FAM20A: variants seen among roughly 807,000 people sequenced by gnomAD.
The protein encoded by FAM20A is FAM20A golgi associated secretory pathway pseudokinase.
A neutral mutation model predicts 52.0 loss-of-function variants in FAM20A; 42 were observed. That is an observed-to-expected ratio of 0.81 (90% CI 0.63 to 1.04). The LOEUF is 1.04. Ranked by LOEUF, FAM20A falls within the 50% of genes least tolerant of loss-of-function variation. The pLI is 0.00. For missense variants in FAM20A, 742 were observed against 712.7 expected (o/e 1.04, Z -0.47); for synonymous variants, 304 against 298.9 (o/e 1.02, Z -0.18).
At chr17:68,549,977 G>A (rs558015053) in intron 4 of FAM20A, among the ~76,000 whole-genome samples, 1 of 152,298 alleles carries the variant, frequency 6.6e-6, no homozygotes. Flanking sequence ...GGCATAGTTA[G>A]CCAACCACTT....
At chr17:68,573,465 TTCTTTCTTTC>T (rs2087627812) in intron 1 of FAM20A, among the ~76,000 whole-genome samples, 1 of 145,476 alleles carries the variant, frequency 6.9e-6, no homozygotes, top group Non-Finnish European at 1.5e-5. Context: ...TCTTCTTTCT[TTCTTTCTTTC>T]TCTTTCTTTC....
chr17:68,568,872 T>C (rs1022327841), intron 1 of FAM20A, among the ~76,000 whole-genome samples: 1 of 151,828 alleles, frequency 6.6e-6, no homozygotes, highest in African/African-American at 2.4e-5. Context: ...CATTCAAAGG[T>C]TCCAGGGATT....
At position 68,542,810 on chromosome 17, in the gene FAM20A, C is replaced by G; in HGVS notation, c.813-1G>C. ...CGGCACCCGTCGGAAGTCCAGAATC[C>G]TGCAAGAGAGGAAGCTCTGTTCCAT... On this transcript the variant is annotated splice_acceptor_variant, in intron 5 of 10. Coordinates refer to ENST00000592554, the MANE Select transcript of FAM20A (RefSeq NM_017565.4). LOFTEE classifies it high-confidence loss of function. 7 of 1,610,370 alleles carry G rather than the reference C, an allele frequency of 4.3e-6. No homozygotes were observed. Among genetic ancestry groups the G allele is most frequent in the Non-Finnish European group, 5.1e-6 (6 of 1,176,640 alleles).
At chr17:68,542,497 A>G (rs1203259806) in intron 6 of FAM20A, among the ~76,000 whole-genome samples, 197 bp downstream of exon 6, 5 of 152,054 alleles carry the variant, frequency 3.3e-5, no homozygotes, top group Non-Finnish European at 7.4e-5. Flanking sequence ...TAGCATCTCA[A>G]ACACAACCTT....
At chr17:68,581,436 TTTTC>T (rs1321339209) in intron 1 of FAM20A, among the ~76,000 whole-genome samples, 2 of 98,738 alleles carry the variant, frequency 2.0e-5, no homozygotes, top group South Asian at 3.6e-4. Flanking sequence ...TCTTTCTTTC[TTTTC>T]TTTTTTTCTT....
intron 1 of FAM20A, among the ~76,000 whole-genome samples, chr17:68,580,288 C>G (rs1386821869): frequency 6.6e-6 from 1 of 152,202 alleles, no homozygotes; most frequent in Admixed American, 6.5e-5. Context: ...GACACAGAAC[C>G]TGATTAACTG....
intron 1 of FAM20A, among the ~76,000 whole-genome samples, chr17:68,563,664 A>G (rs1280781660): frequency 1.3e-5 from 2 of 152,078 alleles, no homozygotes; most frequent in South Asian, 2.1e-4. Flanking sequence ...AATAACCTTC[A>G]TCATCACGCA....
At chr17:68,579,220 T>G (rs562973496) in intron 1 of FAM20A, among the ~76,000 whole-genome samples, 2 of 152,088 alleles carry the variant, frequency 1.3e-5, no homozygotes, top group Non-Finnish European at 2.9e-5. Flanking sequence ...GTTAGGTGTG[T>G]GCAGAGAAAG....
At chr17:68,548,723 A>ATT (rs200833117) in intron 4 of FAM20A, among the ~76,000 whole-genome samples, 8,445 of 116,850 alleles carry the variant, frequency 0.072, 591 homozygotes, top group Non-Finnish European at 0.11. Flanking sequence ...CTATGCCTGT[A>ATT]TATTTTTTTT....
At chr17:68,585,823 G>C (rs2088151576) in intron 1 of FAM20A, among the ~76,000 whole-genome samples, 1 of 152,240 alleles carries the variant, frequency 6.6e-6, no homozygotes, top group Non-Finnish European at 1.5e-5. Flanking sequence ...TGCTAGCAGA[G>C]AGACTCACTG....
At chr17:68,554,100 ATATATACACATATATG>A (rs2086984617) in intron 3 of FAM20A, among the ~76,000 whole-genome samples, 2 of 145,782 alleles carry the variant, frequency 1.4e-5, no homozygotes, top group Non-Finnish European at 3.0e-5. Flanking sequence ...ATACACACAT[ATATATACACATATATG>A]TATACACACA....
chr17:68,597,867 C>G (rs1319102889), intron 1 of FAM20A, among the ~76,000 whole-genome samples: 1 of 152,042 alleles, frequency 6.6e-6, no homozygotes, highest in African/African-American at 2.4e-5. Flanking sequence ...AATGGCAGGC[C>G]CCCTGTCTTC....
intron 1 of FAM20A, among the ~76,000 whole-genome samples, chr17:68,579,317 C>G (rs147950714): frequency 6.6e-6 from 1 of 152,010 alleles, no homozygotes; most frequent in Non-Finnish European, 1.5e-5. Context: ...CCCACCTGCA[C>G]GAGACCAGGT....
rs139935965 is a variant in FAM20A, at chr17:68,540,410, G to A, written c.1219+439C>T. 255 of 455,822 alleles carry A rather than the reference G, an allele frequency of 5.6e-4. 3 individuals are homozygous for A. The highest frequency in any genetic ancestry group is 4.9e-3 in the Middle Eastern group (12 of 2,472). 28.2% of individuals were successfully genotyped at this position (455,822 alleles called of 1,614,324 possible). On this transcript the variant is annotated intron_variant, in intron 8 of 10. Transcript: ENST00000592554. ...TTGCTTCCGACCTAAGCTCCTGTAT[G>A]ACGGCCACCTTCATAAGTGTCTCGT...
chr17:68,550,333 G>A (rs1232592424), intron 4 of FAM20A, among the ~76,000 whole-genome samples: 1 of 141,932 alleles, frequency 7.0e-6, no homozygotes, highest in Non-Finnish European at 1.5e-5. Context: ...CTAACAACTA[G>A]GATTTTGGAT....
At position 68,555,244 on chromosome 17, in the gene FAM20A, G is replaced by A. The variant is rs1027294499; in HGVS notation, c.589+315C>T. ...TCTCAGTTTCCCTGTCTGTAAAATG[G>A]CAATGGTAATATCCATGCCATAAGG... On this transcript the variant is annotated intron_variant, in intron 2 of 10. Coordinates refer to ENST00000592554, the MANE Select transcript of FAM20A (RefSeq NM_017565.4). 5.3e-5 allele frequency among the ~76,000 whole-genome samples: 8 copies of A among 152,278 alleles called. No homozygotes were observed. In the South Asian group the frequency reaches 8.3e-4, roughly 16 times the overall value.
intron 1 of FAM20A, among the ~76,000 whole-genome samples, chr17:68,591,356 C>T (rs988918989): frequency 6.6e-5 from 10 of 152,188 alleles, no homozygotes; most frequent in Admixed American, 6.5e-4. Flanking sequence ...GCCTCGGCCT[C>T]CCAAAGTGTT....
chr17:68,538,911 C>T lies in FAM20A; in HGVS notation c.1361+426G>A, dbSNP rs143194241. The stretch of plus-strand genomic sequence containing the variant: ...AATCGCTTAGTGATGGGGATATGTT[C>T]TGAGAAATGTATCCTTAAGCGCAGG... On this transcript the variant is annotated intron_variant, in intron 10 of 10. Transcript: ENST00000592554. Among the ~76,000 whole-genome samples, 1,143 of 152,172 alleles carry T rather than the reference C, an allele frequency of 7.5e-3. 12 individuals are homozygous for T. The highest frequency in any genetic ancestry group is 0.026 in the African/African-American group (1,083 of 41,508).
Position 68,600,085 on chromosome 17 carries a change from G to A in FAM20A, c.404+178C>T, listed in dbSNP as rs2088569378. On this transcript the variant is annotated intron_variant, in intron 1 of 10. Transcript: ENST00000592554. This position sits in a 1 kb window ranked among gnomAD's most constrained non-coding sequence, Gnocchi z 6.2. ...TCTGACTCCGGGACTGGACTGTGAGGTCTGCAACAGCTGGTGGGGTTCGGG... is the reference window on the plus strand; with the variant it reads ...TCTGACTCCGGGACTGGACTGTGAGATCTGCAACAGCTGGTGGGGTTCGGG... Among the ~76,000 whole-genome samples, 1 of 152,214 alleles carries A rather than the reference G, an allele frequency of 6.6e-6. No homozygotes were observed. The highest frequency in any genetic ancestry group is 2.1e-4 in the South Asian group (1 of 4,834).
Sources: gnomAD v4.1 joint callset for allele counts (sites outside exome capture counted in the v4.1 genomes callset) on GRCh38, gnomAD v4.1.1 for gene constraint, Gnocchi (gnomAD v3.1) non-coding constraint, MANE v1.5 for transcripts, NCBI Gene and HGNC (gene_info 2026-07-23, HGNC 2026-07-21) for gene names.